VWDE: variants seen among roughly 807,000 people sequenced by gnomAD.
The protein encoded by VWDE is von Willebrand factor D and EGF domains, also known as von Willebrand factor D and EGF domain-containing protein.
Under a neutral mutation model 178.4 loss-of-function variants are expected in VWDE, and 207 were observed. That is an observed-to-expected ratio of 1.16 (90% CI 1.04 to 1.30). The LOEUF (loss-of-function observed/expected upper bound fraction) is 1.30. Among genes scored for constraint, VWDE ranks in the 50% most tolerant of loss-of-function variants. The pLI is 0.00. For missense variants in VWDE, 2,287 were observed against 1,901.3 expected, an observed-to-expected ratio of 1.20 and a Z score of -3.77; for synonymous variants, 738 against 651.4, an observed-to-expected ratio of 1.13 and a Z score of -2.02.
rs115535481 is a variant in VWDE at position 12,359,505 on chromosome 7, G to T, written c.3274+73C>A. ...GGTCATTCATCTTAAACACATTTAC[G>T]TAACTTCTGGCTGAAAACCACTTTT... On this transcript the variant is annotated intron_variant, in intron 16 of 28. Coordinates refer to ENST00000275358, the MANE Select transcript of VWDE (RefSeq NM_001135924.3). 1.5e-5 allele frequency: 15 copies of T among 1,007,720 alleles called. No homozygotes were observed. In the South Asian group the frequency reaches 1.8e-4, roughly 12 times the overall value. The allele number at this position is 1,007,720 out of a possible 1,614,324, so 62.4% of individuals were successfully genotyped here. A position where few individuals can be genotyped will look rare whatever the true frequency, so the allele number is the denominator to read the frequency against.
At chr7:12,373,283 G>T (rs1235790424) in intron 9 of VWDE, 36 bp from the exon 10 acceptor site, 7 of 1,537,992 alleles carry the variant, frequency 4.6e-6, no homozygotes, top group Non-Finnish European at 6.1e-6. Context: ...TTAAAAAATC[G>T]TGTAAAATAT....
intron 10 of VWDE, 142 bp from the exon 11 acceptor site, chr7:12,371,006 C>A (rs1783169024): frequency 8.4e-6 from 6 of 717,004 alleles, no homozygotes; most frequent in South Asian, 3.7e-5. Flanking sequence ...TTCTTGACTA[C>A]AACTTTCCTC....
At chr7:12,391,515 A>T (rs1179242636) in intron 2 of VWDE, among the ~76,000 whole-genome samples, 1 of 152,238 alleles carries the variant, frequency 6.6e-6, no homozygotes, top group Admixed American at 6.5e-5. Context: ...AAACAATTAT[A>T]GCTAAATCAG....
At chr7:12,388,720 T>C (rs1249243446) in intron 3 of VWDE, 2 of 301,102 alleles carry the variant, frequency 6.6e-6, no homozygotes, top group African/African-American at 4.4e-5. Flanking sequence ...TTAAATAATT[T>C]CTGGCACAGG....
At chr7:12,347,856 G>C (rs1290610288) in intron 19 of VWDE, among the ~76,000 whole-genome samples, 4 of 152,006 alleles carry the variant, frequency 2.6e-5, no homozygotes, top group African/African-American at 9.7e-5. Flanking sequence ...AAACAGCATG[G>C]CACTGGTACC....
chr7:12,366,282 T>C (rs1782856354), intron 13 of VWDE, among the ~76,000 whole-genome samples: 2 of 152,120 alleles, frequency 1.3e-5, no homozygotes, highest in African/African-American at 4.8e-5. Flanking sequence ...ACTCTGTATT[T>C]ATCAGAAGTT....
chr7:12,343,000 G>A (rs1781410603), intron 22 of VWDE, 83 bp downstream of exon 22: 1 of 998,254 alleles, frequency 1.0e-6, no homozygotes, highest in Non-Finnish European at 1.5e-6. Flanking sequence ...GTAGAGTTTG[G>A]GTTCATTTCA....
At chr7:12,385,840 C>G (rs995761889) in intron 3 of VWDE, among the ~76,000 whole-genome samples, 29 of 152,056 alleles carry the variant, frequency 1.9e-4, no homozygotes, top group African/African-American at 6.8e-4. Context: ...TTCCTTCTCC[C>G]TAATTACTTA....
rs532996576 is a variant in VWDE at position 12,337,883 on chromosome 7, G to A, written c.4367-611C>T. ...TCTGTTTTATGAAATTCAGAGTAAC[G>A]TTAATATGTATTAATTTTATGAGAT... On this transcript the variant is annotated intron_variant, in intron 24 of 28. Coordinates refer to ENST00000275358, the MANE Select transcript of VWDE (RefSeq NM_001135924.3). Among the ~76,000 whole-genome samples the A allele has an allele frequency of 6.5e-4, 99 of 152,090 alleles. 1 individual carries two copies. In the South Asian group the frequency reaches 0.012, roughly 18 times the overall value.
At chr7:12,346,671 T>C (rs1781617220) in intron 19 of VWDE, among the ~76,000 whole-genome samples, 1 of 152,090 alleles carries the variant, frequency 6.6e-6, no homozygotes, top group African/African-American at 2.4e-5. Context: ...CATTTCCTTA[T>C]TGCACTTTTT....
chr7:12,356,078 C>T (rs1194958916), intron 18 of VWDE, 33 bp downstream of exon 18: 4 of 1,529,502 alleles, frequency 2.6e-6, no homozygotes, highest in Non-Finnish European at 3.5e-6. Flanking sequence ...AGGAGCTTTT[C>T]TTTCTAATTT....
intron 4 of VWDE, among the ~76,000 whole-genome samples, chr7:12,382,864 G>A (rs1199292908): frequency 6.6e-6 from 1 of 151,658 alleles, no homozygotes; most frequent in African/African-American, 2.4e-5. Flanking sequence ...ATTATAGTAG[G>A]AGGATTTCTT....
At chr7:12,367,258 G>T in intron 13 of VWDE, 99 bp downstream of exon 13, 1 of 934,576 alleles carries the variant, frequency 1.1e-6, no homozygotes, top group South Asian at 3.6e-5. Context: ...AATATCGTTT[G>T]GATTTATGTT....
chr7:12,374,632 AAAC>A, intron 9 of VWDE, 54 bp downstream of exon 9: 1 of 1,268,996 alleles, frequency 7.9e-7, no homozygotes, highest in Non-Finnish European at 1.1e-6. Context: ...GTTTAAAATA[AAAC>A]AACAAAATCA....
intron 3 of VWDE, among the ~76,000 whole-genome samples, chr7:12,384,873 C>T (rs569227223): frequency 3.0e-4 from 46 of 152,118 alleles, no homozygotes; most frequent in African/African-American, 9.9e-4. Flanking sequence ...CTAAAAGACA[C>T]GAAGTTGGAA....
chr7:12,402,554 A>G (rs1784952429), intron 1 of VWDE, among the ~76,000 whole-genome samples: 1 of 152,188 alleles, frequency 6.6e-6, no homozygotes, highest in Admixed American at 6.5e-5. Flanking sequence ...TAAACATGAA[A>G]TCATCTTCCT....
At chr7:12,380,848 A>G in intron 4 of VWDE, 115 bp from the exon 5 acceptor site, 2 of 1,201,286 alleles carry the variant, frequency 1.7e-6, no homozygotes, top group South Asian at 3.3e-5. Context: ...AAGCAAGCTA[A>G]ATTTAGAAAA....
Position 12,357,362 on chromosome 7 carries a change from G to T in VWDE, c.3428C>A (p.Ala1143Glu). 6.4e-7 allele frequency: 1 copy of T among 1,551,974 alleles called. No homozygotes were observed. Among genetic ancestry groups the T allele is most frequent in the South Asian group, 1.2e-5 (1 of 84,062 alleles). ...SGPEGASVSS[A>E]GLFMWKTDLL... ...ATCTGTTTTCCACATAAAAAGCCCTGCAGAGGAAACACTTGCCCCTTCAGG... is the reference window on the plus strand; with the variant it reads ...ATCTGTTTTCCACATAAAAAGCCCTTCAGAGGAAACACTTGCCCCTTCAGG... Residue 1143 changes from alanine (A) to glutamate (E), a missense_variant, in exon 17 of 29, where the codon GCA becomes GAA. Physicochemically the swap from Ala to Glu is moderately radical, Grantham distance 107 (BLOSUM62 -1). Coordinates refer to ENST00000275358, the MANE Select transcript of VWDE (RefSeq NM_001135924.3).
At chr7:12,349,452 A>C (rs1781806600) in intron 19 of VWDE, among the ~76,000 whole-genome samples, 1 of 151,326 alleles carries the variant, frequency 6.6e-6, no homozygotes, top group African/African-American at 2.4e-5. Flanking sequence ...CATATTTATA[A>C]TTTAAACTTT....
Sources: gnomAD v4.1 joint callset for allele counts (sites outside exome capture counted in the v4.1 genomes callset) on GRCh38, gnomAD v4.1.1 for gene constraint, MANE v1.5 for transcripts, NCBI Gene and HGNC (gene_info 2026-07-23, HGNC 2026-07-21) for gene names.